EPC2: variants seen among roughly 807,000 people sequenced by gnomAD.
The protein encoded by EPC2 is enhancer of polycomb 2.
In EPC2, 14 loss-of-function variants were observed where a neutral mutation model predicts 92.1. That is an observed-to-expected ratio of 0.15 (90% CI 0.10 to 0.24). The LOEUF is 0.24. EPC2 is among the 10% of genes least tolerant of loss of function. EPC2 has a pLI of 1.00. For missense variants in EPC2, 755 were observed against 971.5 expected, an observed-to-expected ratio of 0.78 and a Z score of 2.96; for synonymous variants, 340 against 334.7, an observed-to-expected ratio of 1.02 and a Z score of -0.17.
chr2:148,710,805 T>C (rs1423152579), intron 2 of EPC2, among the ~76,000 whole-genome samples: 9 of 151,990 alleles, frequency 5.9e-5, no homozygotes, highest in African/African-American at 2.4e-5. Context: ...ATGGGAACAC[T>C]TGGACACAGG....
In EPC2 at chr2:148,771,253, A is replaced by G; in HGVS notation, c.1586A>G (p.Gln529Arg). 1 of 1,614,032 alleles carries G rather than the reference A, an allele frequency of 6.2e-7. No individual in the cohort carries two copies. Among genetic ancestry groups the G allele is most frequent in the Non-Finnish European group, 8.5e-7 (1 of 1,179,890 alleles). The change falls in exon 10 of 14, where the codon CAG becomes CGG. Residue 529 changes from glutamine to arginine, a missense_variant. By Grantham distance (43) the Gln-to-Arg change is conservative. This residue lies in a region of EPC2 where 509 missense variants were observed against 607.7 expected (regional missense o/e 0.84). Transcript: ENST00000258484. ...NIRSCRLQCF[Q>R]PRLLNLQDSD... is the part of the protein sequence containing the mutation. ...AGATCATGTCGACTACAGTGTTTCCAGCCAAGGCTACTAAATTTACAGGAC... is the reference window on the plus strand; with the variant it reads ...AGATCATGTCGACTACAGTGTTTCCGGCCAAGGCTACTAAATTTACAGGAC...
chr2:148,698,633 C>CAAAAAAAAAA (rs36045036), intron 2 of EPC2, among the ~76,000 whole-genome samples: 1 of 57,008 alleles, frequency 1.8e-5, no homozygotes, highest in Non-Finnish European at 2.8e-5. Context: ...GACTCCATCT[C>CAAAAAAAAAA]AAAAAAAAAA....
intron 8 of EPC2, 99 bp from the exon 9 acceptor site, chr2:148,770,693 C>T: frequency 2.4e-6 from 3 of 1,232,614 alleles, no homozygotes; most frequent in Non-Finnish European, 3.2e-6. Flanking sequence ...AATTGTTCTG[C>T]TAATGTTGCA....
chr2:148,687,112 G>T (rs540913406), intron 1 of EPC2, among the ~76,000 whole-genome samples: 4 of 152,292 alleles, frequency 2.6e-5, no homozygotes, highest in African/African-American at 9.6e-5. Context: ...TAGATGACTT[G>T]TGATGTTTCT....
At chr2:148,674,664 C>T (rs1681229120) in intron 1 of EPC2, among the ~76,000 whole-genome samples, 1 of 152,214 alleles carries the variant, frequency 6.6e-6, no homozygotes, top group Non-Finnish European at 1.5e-5. Flanking sequence ...TCTTTCTCTC[C>T]TGAGGAAGAA....
chr2:148,673,038 G>T (rs570646951), intron 1 of EPC2, among the ~76,000 whole-genome samples: 1 of 152,086 alleles, frequency 6.6e-6, no homozygotes. Flanking sequence ...TAACGTTTCT[G>T]CTGAGAAATG....
chr2:148,694,156 C>A (rs1189356224), intron 2 of EPC2, among the ~76,000 whole-genome samples: 1 of 152,140 alleles, frequency 6.6e-6, no homozygotes, highest in African/African-American at 2.4e-5. Context: ...TACACAGAAT[C>A]AAATATAAGG....
chr2:148,751,232 A>G (rs1195671321), intron 3 of EPC2, among the ~76,000 whole-genome samples: 5 of 152,102 alleles, frequency 3.3e-5, no homozygotes, highest in African/African-American at 9.7e-5. Flanking sequence ...TAATTTTTAC[A>G]TATAATATAT....
chr2:148,703,336 A>G (rs572665686), intron 2 of EPC2, among the ~76,000 whole-genome samples: 1 of 151,756 alleles, frequency 6.6e-6, no homozygotes, highest in South Asian at 2.1e-4. Context: ...GTTTTTTTTT[A>G]AAAAGTATGT....
chr2:148,687,381 ATTAT>A (rs993597345), intron 1 of EPC2, among the ~76,000 whole-genome samples: 7 of 152,126 alleles, frequency 4.6e-5, no homozygotes, highest in African/African-American at 1.7e-4. Context: ...TTGCTTCGTT[ATTAT>A]TTGTGTGTTC....
At chr2:148,776,233 A>G (rs911489763) in intron 10 of EPC2, among the ~76,000 whole-genome samples, 3 of 152,234 alleles carry the variant, frequency 2.0e-5, no homozygotes, top group Admixed American at 6.5e-5. Context: ...GTGATTTAAC[A>G]TCTAGCTAAG....
At chr2:148,739,074 C>T (rs1484331697) in intron 2 of EPC2, among the ~76,000 whole-genome samples, 1 of 152,108 alleles carries the variant, frequency 6.6e-6, no homozygotes, top group Non-Finnish European at 1.5e-5. Flanking sequence ...AGGTCCTTCT[C>T]CCAGGTTCAC....
At chr2:148,651,686 C>A (rs1018789367) in intron 1 of EPC2, among the ~76,000 whole-genome samples, 1 of 152,120 alleles carries the variant, frequency 6.6e-6, no homozygotes, top group African/African-American at 2.4e-5. Context: ...TTGGAAGTTG[C>A]TTAGCTTTTC....
intron 2 of EPC2, chr2:148,691,788 A>G (rs1271347933): frequency 1.4e-6 from 1 of 721,050 alleles, no homozygotes. Context: ...GGGCAAGTTG[A>G]GAAATACAAA....
chr2:148,708,014 G>C (rs906892519), intron 2 of EPC2, among the ~76,000 whole-genome samples: 12 of 152,160 alleles, frequency 7.9e-5, no homozygotes, highest in African/African-American at 2.9e-4. Context: ...AGAACTGAAG[G>C]AGATAGAGAC....
chr2:148,781,778 C>A lies in EPC2; in HGVS notation c.1855C>A (p.Gln619Lys). ...HSSQQTHPKA[Q>K]GSSTSDCMSK... ...CTCGCAACAGACACATCCAAAAGCA[C>A]AGGTAAACTGCTCTTTTCGTCATAG... Residue 619 changes from glutamine to lysine, a missense_variant and splice_region_variant, in exon 11 of 14, where the codon CAG (glutamine) becomes AAG (lysine). This residue lies in a region of EPC2 where 207 missense variants were observed against 260.5 expected (regional missense o/e 0.79). Coordinates refer to ENST00000258484, the MANE Select transcript of EPC2 (RefSeq NM_015630.4). 1 of 1,613,590 alleles carries A rather than the reference C, an allele frequency of 6.2e-7. No homozygotes were observed. The highest frequency in any genetic ancestry group is 8.5e-7 in the Non-Finnish European group (1 of 1,179,776).
At chr2:148,726,748 T>TTTTTG (rs1318132744) in intron 2 of EPC2, among the ~76,000 whole-genome samples, 6 of 148,700 alleles carry the variant, frequency 4.0e-5, no homozygotes, top group African/African-American at 1.5e-4. Flanking sequence ...TTGGGTTTTT[T>TTTTTG]TTTTGTTTTG....
rs1322808047 is a variant in EPC2, at chr2:148,671,735, C to CT, written c.154-18476dup. Among the ~76,000 whole-genome samples, 9 of 152,220 alleles carry CT rather than the reference C, an allele frequency of 5.9e-5. No individual in the cohort carries two copies. The East Asian group carries it at 1.4e-3, about 23-fold the overall frequency. ...TTACCTGGTAAACTTTTGTCCGTCC[C>CT]TTTATTTTTACCCTTTCTTAACCAT... On this transcript the variant is annotated intron_variant, in intron 1 of 13. Transcript: ENST00000258484.
chr2:148,744,597 A>G (rs984550624), intron 3 of EPC2, among the ~76,000 whole-genome samples: 15 of 152,114 alleles, frequency 9.9e-5, no homozygotes, highest in African/African-American at 3.4e-4. Flanking sequence ...GCAAAAGAAT[A>G]AGGAAGTTTA....
Sources: allele counts gnomAD v4.1 joint callset (sites outside exome capture counted in the v4.1 genomes callset), GRCh38; gene constraint gnomAD v4.1.1; regional missense constraint gnomAD v4.1.1; transcripts MANE v1.5; gene names NCBI Gene and HGNC (gene_info 2026-07-23, HGNC 2026-07-21).